The following TRAF3IP1 variants were observed in gnomAD, a reference collection of about 807,000 sequenced individuals.
TRAF3IP1 encodes intraflagellar transport 54.
In TRAF3IP1, 53 loss-of-function variants were observed where a neutral mutation model predicts 89.9. The observed-to-expected ratio is 0.59, with a 90% CI of 0.47 to 0.74. The LOEUF is 0.74. Ranked by LOEUF, TRAF3IP1 falls within the 30% of genes least tolerant of loss-of-function variation. TRAF3IP1 has a pLI of 0.00. For synonymous variants in TRAF3IP1, 311 were observed against 322.1 expected (o/e 0.97, Z 0.37); for missense variants, 806 against 866.1 (o/e 0.93, Z 0.87).
At chr2:238,360,015 C>G (rs1360710126) in intron 15 of TRAF3IP1, among the ~76,000 whole-genome samples, 1 of 152,162 alleles carries the variant, frequency 6.6e-6, no homozygotes, top group African/African-American at 2.4e-5. Context: ...CTGCCACAGT[C>G]TAGACTATCT....
chr2:238,389,748 A>AAATAATAATAATAATAATAAT (rs71905391), intron 15 of TRAF3IP1, among the ~76,000 whole-genome samples: 37 of 146,340 alleles, frequency 2.5e-4, no homozygotes, highest in African/African-American at 7.0e-4. Flanking sequence ...ACTCCATCTC[A>AAATAATAATAATAATAATAAT]AATAATAATA....
rs778853441 is a variant in TRAF3IP1, at chr2:238,398,959, A to G, written c.*40A>G. The stretch of plus-strand genomic sequence containing the variant: ...CAGAGATGAAAAGTCACCTCAGTTT[A>G]AAAGCAAAAAGGAAGATAGAAAATC... On this transcript the variant is annotated 3_prime_UTR_variant, in exon 17 of 17. Transcript: ENST00000373327. 69 of 1,536,994 alleles carry G rather than the reference A, an allele frequency of 4.5e-5. No homozygotes were observed. Among genetic ancestry groups the G allele is most frequent in the Non-Finnish European group, 5.9e-5 (67 of 1,139,352 alleles).
At chr2:238,375,017 T>C (rs375494028) in intron 15 of TRAF3IP1, among the ~76,000 whole-genome samples, 17 of 152,350 alleles carry the variant, frequency 1.1e-4, no homozygotes, top group East Asian at 9.6e-4. Flanking sequence ...GATTCTTCTC[T>C]CTTTTCTTCT....
intron 7 of TRAF3IP1, among the ~76,000 whole-genome samples, chr2:238,337,041 G>T (rs11679198): frequency 0.018 from 2,702 of 152,112 alleles, 34 homozygotes; most frequent in Admixed American, 0.034. Context: ...GGGTGGAGAG[G>T]GGGCAGAGGG....
chr2:238,370,719 C>T (rs1700074663), intron 15 of TRAF3IP1, among the ~76,000 whole-genome samples: 1 of 152,220 alleles, frequency 6.6e-6, no homozygotes, highest in Non-Finnish European at 1.5e-5. Flanking sequence ...TCATCTCCCT[C>T]TCGTGGCTAG....
intron 15 of TRAF3IP1, among the ~76,000 whole-genome samples, chr2:238,396,876 G>T (rs1216054033): frequency 6.6e-6 from 1 of 152,128 alleles, no homozygotes; most frequent in Non-Finnish European, 1.5e-5. Context: ...TGCCTGCTGG[G>T]TGCTGCTGGC....
At chr2:238,331,775 A>G (rs972151582) in intron 5 of TRAF3IP1, among the ~76,000 whole-genome samples, 4 of 152,128 alleles carry the variant, frequency 2.6e-5, no homozygotes, top group African/African-American at 9.7e-5. Context: ...AGCTGCTGTG[A>G]GGCGCCTCCC....
rs764595577 is a variant in TRAF3IP1, at chr2:238,328,933, G to A, written c.506G>A (p.Gly169Glu). ...TTTATTTTTATTTCGTAGGATAGAGGAGACGCTGAAATAAAAGAGAGAAGT... is the reference window on the plus strand; with the variant it reads ...TTTATTTTTATTTCGTAGGATAGAGAAGACGCTGAAATAAAAGAGAGAAGT... ...SRVHKNTEDR[G>E]DAEIKERSTS... is the part of the protein sequence containing the mutation. The change falls in exon 5 of 17, where the codon GGA (glycine) becomes GAA (glutamate). Residue 169 changes from glycine to glutamate, a missense_variant. By Grantham distance (98) the Gly-to-Glu change is moderately conservative (BLOSUM62 -2). Transcript: ENST00000373327. 2 of 1,561,466 alleles carry A rather than the reference G, an allele frequency of 1.3e-6. No individual in the cohort carries two copies. The highest frequency in any genetic ancestry group is 2.4e-5 in the East Asian group (1 of 41,960).
rs531749864 is a variant in TRAF3IP1, at chr2:238,378,013, TTTTG to T, written c.1690-19430_1690-19427del. On this transcript the variant is annotated intron_variant, in intron 15 of 16. Coordinates refer to ENST00000373327, the MANE Select transcript of TRAF3IP1 (RefSeq NM_015650.4). ...TGGATGTAGTTTAGTTTAGTTTAGT[TTTTG>T]TTTGTTTGTTTGTTTTTTGTTTGTT... 3.1e-3 allele frequency among the ~76,000 whole-genome samples: 465 copies of T among 152,252 alleles called. 6 individuals carry two copies. Among genetic ancestry groups the T allele is most frequent in the South Asian group, 0.027 (130 of 4,834 alleles).
rs113481886 is a variant in TRAF3IP1 at position 238,334,781 on chromosome 2, A to G, written c.1063+746A>G. On this transcript the variant is annotated intron_variant, in intron 7 of 16. Coordinates refer to ENST00000373327, the MANE Select transcript of TRAF3IP1 (RefSeq NM_015650.4). ...TTAGTAATGCGTTTGTGACCAGCTT[A>G]GTGCCAGAAGCCTTTGCTGTCTTTT... Among the ~76,000 whole-genome samples the G allele has an allele frequency of 2.4e-3, 367 of 152,342 alleles. 3 individuals carry two copies. Among genetic ancestry groups the G allele is most frequent in the African/African-American group, 8.5e-3 (353 of 41,582 alleles).
intron 15 of TRAF3IP1, among the ~76,000 whole-genome samples, chr2:238,371,084 G>A: frequency 6.6e-6 from 1 of 152,192 alleles, no homozygotes; most frequent in South Asian, 2.1e-4. Context: ...AATGTGATAA[G>A]AACGAAGTTT....
chr2:238,384,108 C>G (rs979300238), intron 15 of TRAF3IP1, among the ~76,000 whole-genome samples: 3 of 152,098 alleles, frequency 2.0e-5, no homozygotes, highest in African/African-American at 7.2e-5. Flanking sequence ...TCAGTGGCAC[C>G]CTCATGCTCC....
chr2:238,367,825 A>T (rs1020061523), intron 15 of TRAF3IP1, among the ~76,000 whole-genome samples: 1 of 152,162 alleles, frequency 6.6e-6, no homozygotes, highest in Non-Finnish European at 1.5e-5. Context: ...TGACCACAGG[A>T]GGGAGCAGCA....
intron 9 of TRAF3IP1, among the ~76,000 whole-genome samples, chr2:238,346,849 C>A (rs767150340): frequency 4.6e-5 from 7 of 152,176 alleles, no homozygotes; most frequent in Non-Finnish European, 1.0e-4. Flanking sequence ...TTTGAATCAC[C>A]CCACCCCTGT....
At chr2:238,353,486 T>G (rs1699266829) in intron 14 of TRAF3IP1, among the ~76,000 whole-genome samples, 5 of 152,284 alleles carry the variant, frequency 3.3e-5, no homozygotes, top group Admixed American at 2.0e-4. Flanking sequence ...TCTCGTCTCT[T>G]CCGTACGATT....
At position 238,399,529 on chromosome 2, in the gene TRAF3IP1, C is replaced by A. The variant is rs1026126497; in HGVS notation, c.*610C>A. 6.6e-6 allele frequency: 1 copy of A among 152,052 alleles called. No individual in the cohort carries two copies. The highest frequency in any genetic ancestry group is 2.4e-5 in the African/African-American group (1 of 41,424). 9.4% of individuals were successfully genotyped at this position (152,052 alleles called of 1,614,324 possible). A position where few individuals can be genotyped will look rare whatever the true frequency, so the allele number is the denominator to read the frequency against. ...TTCTCTATGTAATTTTCCTCTTGAT[C>A]TCTACTATCGTTTGCTTGTGTTTCT... On this transcript the variant is annotated 3_prime_UTR_variant, in exon 17 of 17. Transcript: ENST00000373327.
At chr2:238,387,245 G>A (rs774392483) in intron 15 of TRAF3IP1, among the ~76,000 whole-genome samples, 3 of 152,186 alleles carry the variant, frequency 2.0e-5, no homozygotes, top group Non-Finnish European at 2.9e-5. Flanking sequence ...CCATGCTAAA[G>A]GCTTACCACC....
At chr2:238,343,188 AGATTCTCCTGC>A (rs1283296866) in intron 8 of TRAF3IP1, among the ~76,000 whole-genome samples, 1 of 151,600 alleles carries the variant, frequency 6.6e-6, no homozygotes, top group Admixed American at 6.6e-5. Context: ...CGGGTCCAAG[AGATTCTCCTGC>A]CTTAGCCTCC....
chr2:238,339,801 G>T (rs1698552021), intron 8 of TRAF3IP1, among the ~76,000 whole-genome samples: 1 of 152,280 alleles, frequency 6.6e-6, no homozygotes, highest in African/African-American at 2.4e-5. Context: ...CCCCAGATCA[G>T]GGCGAGACAG....
Sources: gnomAD v4.1 joint callset for allele counts (sites outside exome capture counted in the v4.1 genomes callset) on GRCh38, gnomAD v4.1.1 for gene constraint, MANE v1.5 for transcripts, NCBI Gene and HGNC (gene_info 2026-07-23, HGNC 2026-07-21) for gene names.